Variants in CTNNA2 observed in about 807,000 individuals in gnomAD.
The protein encoded by CTNNA2 is catenin alpha 2, also known as catenin alpha-2.
A neutral mutation model predicts 101.0 loss-of-function variants in CTNNA2; 42 were observed. That is an observed-to-expected ratio of 0.42 (90% CI 0.32 to 0.54). The LOEUF is 0.54. Ranked by LOEUF, CTNNA2 falls within the 20% of genes least tolerant of loss-of-function variation. CTNNA2 has a pLI of 0.14. For missense variants in CTNNA2, 871 were observed against 1,223.1 expected (o/e 0.71, Z 4.29); for synonymous variants, 450 against 456.4 (o/e 0.99, Z 0.18).
chr2:80,141,157 G>A (rs1227418506), intron 7 of CTNNA2, among the ~76,000 whole-genome samples: 1 of 152,046 alleles, frequency 6.6e-6, no homozygotes, highest in East Asian at 1.9e-4. Context: ...GCCTCAGGAA[G>A]GATGGACATA....
intron 2 of CTNNA2, among the ~76,000 whole-genome samples, chr2:79,223,792 C>T (rs905347029): frequency 6.6e-6 from 1 of 152,214 alleles, no homozygotes; most frequent in African/African-American, 2.4e-5. Flanking sequence ...GAAAATATAT[C>T]TATCTCCTTA....
chr2:80,527,321 G>C (rs1332459910), intron 9 of CTNNA2, among the ~76,000 whole-genome samples: 1 of 152,206 alleles, frequency 6.6e-6, no homozygotes, highest in East Asian at 1.9e-4. Flanking sequence ...TGAAGCGTTT[G>C]TGGTAGGCCT....
In CTNNA2 at chr2:79,200,383, C is replaced by CAA. The variant is rs34255396; in HGVS notation, c.-406+2322_-406+2323dup. ...TGGGCAACAGAGAGAGACTCCGTCT[C>CAA]AAAAAAAAAAAAAAAATTAGACAAA... On this transcript the variant is annotated intron_variant, in intron 2 of 21. Transcript: ENST00000466387. 8.1e-3 allele frequency among the ~76,000 whole-genome samples: 897 copies of CAA among 110,216 alleles called. 9 individuals are homozygous for CAA. Among genetic ancestry groups the CAA allele is most frequent in the African/African-American group, 0.026 (858 of 33,338 alleles). The allele number at this position is 110,216 out of a possible 152,430, so 72.3% of individuals were successfully genotyped here.
At chr2:80,200,904 A>T (rs1256831952) in intron 7 of CTNNA2, among the ~76,000 whole-genome samples, 2 of 150,982 alleles carry the variant, frequency 1.3e-5, no homozygotes, top group African/African-American at 4.9e-5. Context: ...GTGTCTTGGG[A>T]TGGGATCCAT....
At chr2:79,780,851 T>A (rs965321126) in intron 3 of CTNNA2, among the ~76,000 whole-genome samples, 1 of 152,160 alleles carries the variant, frequency 6.6e-6, no homozygotes, top group Non-Finnish European at 1.5e-5. Flanking sequence ...AAGCATTCAA[T>A]ATAGAGAAGA....
At chr2:79,381,288 TTAA>T (rs1351527795) in intron 4 of CTNNA2, among the ~76,000 whole-genome samples, 2 of 152,114 alleles carry the variant, frequency 1.3e-5, no homozygotes, top group Non-Finnish European at 2.9e-5. Context: ...CTCACGTAAA[TTAA>T]TAATAATAGA....
At chr2:79,702,144 G>C (rs979870435) in intron 2 of CTNNA2, among the ~76,000 whole-genome samples, 1 of 151,910 alleles carries the variant, frequency 6.6e-6, no homozygotes, top group Non-Finnish European at 1.5e-5. Context: ...GATGATGACT[G>C]AGTGAGTCGG....
At chr2:79,537,393 C>T (rs978349129) in intron 1 of CTNNA2, among the ~76,000 whole-genome samples, 13 of 152,166 alleles carry the variant, frequency 8.5e-5, no homozygotes, top group South Asian at 2.1e-4. Context: ...TGCCCTTTCC[C>T]GTGCTCTTGC....
At chr2:80,628,523 C>T (rs1166124702) in intron 18 of CTNNA2, among the ~76,000 whole-genome samples, 2 of 151,620 alleles carry the variant, frequency 1.3e-5, no homozygotes, top group East Asian at 2.0e-4. Context: ...AACTGGCTAA[C>T]CATATGCAGA....
intron 15 of CTNNA2, among the ~76,000 whole-genome samples, chr2:80,601,248 A>G (rs1442758234): frequency 6.6e-6 from 1 of 151,904 alleles, no homozygotes; most frequent in Admixed American, 6.6e-5. Flanking sequence ...ATCTTTAAAT[A>G]GTTTTGTTTT....
chr2:79,291,709 A>G (rs1439707730), intron 2 of CTNNA2, among the ~76,000 whole-genome samples: 1 of 152,180 alleles, frequency 6.6e-6, no homozygotes, highest in Non-Finnish European at 1.5e-5. Flanking sequence ...AGATTTACTA[A>G]TTTATCAAGT....
intron 2 of CTNNA2, among the ~76,000 whole-genome samples, chr2:79,309,048 A>G (rs1333797308): frequency 6.6e-6 from 1 of 152,022 alleles, no homozygotes; most frequent in Non-Finnish European, 1.5e-5. Flanking sequence ...ATATATGAGT[A>G]TATTTTTGTA....
chr2:80,069,968 A>G (rs1315195526), intron 7 of CTNNA2, among the ~76,000 whole-genome samples: 5 of 152,182 alleles, frequency 3.3e-5, no homozygotes, highest in Admixed American at 3.3e-4. Flanking sequence ...CACTTTAATC[A>G]CAGGGCATGG....
chr2:80,167,027 T>G (rs1435175337), intron 7 of CTNNA2, among the ~76,000 whole-genome samples: 1 of 152,080 alleles, frequency 6.6e-6, no homozygotes, highest in Non-Finnish European at 1.5e-5. Flanking sequence ...TGACTTCTTC[T>G]TGCATTTCAT....
intron 1 of CTNNA2, among the ~76,000 whole-genome samples, chr2:79,188,736 A>G (rs1185244221): frequency 6.6e-6 from 1 of 152,190 alleles, no homozygotes; most frequent in Non-Finnish European, 1.5e-5. Context: ...GTGGAGGAAA[A>G]AGCACAAATA....
At chr2:79,660,538 A>C (rs1359770362) in intron 2 of CTNNA2, among the ~76,000 whole-genome samples, 1 of 152,040 alleles carries the variant, frequency 6.6e-6, no homozygotes, top group African/African-American at 2.4e-5. Context: ...AACATTTCTT[A>C]AGTTGCTATG....
chr2:79,902,779 AC>A (rs1490711928), intron 6 of CTNNA2, among the ~76,000 whole-genome samples: 1 of 152,100 alleles, frequency 6.6e-6, no homozygotes, highest in East Asian at 1.9e-4. Flanking sequence ...GGTGTGTGCC[AC>A]CATGCCCGGC....
intron 15 of CTNNA2, among the ~76,000 whole-genome samples, chr2:80,602,694 G>C (rs1697656940): frequency 6.6e-6 from 1 of 152,044 alleles, no homozygotes; most frequent in African/African-American, 2.4e-5. Flanking sequence ...GTCACAGAAT[G>C]TTTAACTCAT....
In CTNNA2 at chr2:80,040,370, A is replaced by G. The variant is rs575598371; in HGVS notation, c.1056+130573A>G. On this transcript the variant is annotated intron_variant, in intron 7 of 18. Transcript: ENST00000402739. ...AGACTTGATTGATATTTGACAAATGAGTCAACTAAGGCACAGAGAGGTTCA... is the reference window on the plus strand; with the variant it reads ...AGACTTGATTGATATTTGACAAATGGGTCAACTAAGGCACAGAGAGGTTCA... 7.2e-5 allele frequency among the ~76,000 whole-genome samples: 11 copies of G among 152,322 alleles called. No individual in the cohort carries two copies. The South Asian group carries it at 2.3e-3, about 32-fold the overall frequency.
Sources: allele counts gnomAD v4.1 joint callset (sites outside exome capture counted in the v4.1 genomes callset), GRCh38; gene constraint gnomAD v4.1.1; transcripts MANE v1.5; gene names NCBI Gene and HGNC (gene_info 2026-07-23, HGNC 2026-07-21).